Variants in CFAP74 observed in about 807,000 individuals in gnomAD.
CFAP74 encodes cilia- and flagella-associated protein 74.
Under a neutral mutation model 188.9 loss-of-function variants are expected in CFAP74, and 124 were observed. That is an observed-to-expected ratio of 0.66 (90% CI 0.57 to 0.76). The LOEUF is 0.76. CFAP74 is among the 30% of genes least tolerant of loss of function. CFAP74 has a pLI of 0.00. For synonymous variants in CFAP74, 956 were observed against 916.7 expected (o/e 1.04, Z -0.77); for missense variants, 2,198 against 2,165.2 (o/e 1.02, Z -0.30).
rs183678276 is a variant in CFAP74 at position 1,991,810 on chromosome 1, T to C, written c.-19-835A>G. 2.4e-3 allele frequency among the ~76,000 whole-genome samples: 360 copies of C among 151,948 alleles called. 1 individual carries two copies. The highest frequency in any genetic ancestry group is 0.014 in the East Asian group (70 of 5,136). Reference sequence around the variant, plus strand: ...ATCCCAGCACTTTGGGAGGCCAAGGTGGGCGGATCACGAGGTCAGGAGATC... The same window carrying C: ...ATCCCAGCACTTTGGGAGGCCAAGGCGGGCGGATCACGAGGTCAGGAGATC... On this transcript the variant is annotated intron_variant, in intron 1 of 38. Coordinates refer to ENST00000682832, the MANE Select transcript of CFAP74 (RefSeq NM_001304360.2).
At chr1:1,979,729 G>A (rs1656705028) in intron 6 of CFAP74, among the ~76,000 whole-genome samples, 3 of 125,288 alleles carry the variant, frequency 2.4e-5, no homozygotes, top group African/African-American at 8.8e-5. Flanking sequence ...AGCTGGGTGT[G>A]GGAAGGCGTC....
Position 1,925,929 on chromosome 1 carries a change from T to C in CFAP74, c.3958A>G (p.Thr1320Ala). The C allele has an allele frequency of 6.2e-7, 1 of 1,608,282 alleles. No homozygotes were observed. The highest frequency in any genetic ancestry group is 1.1e-5 in the South Asian group (1 of 90,400). Reference protein sequence around the residue: ...SPHESILAQETLDIITKRGTL... With the variant: ...SPHESILAQEALDIITKRGTL... ...CCTCTCTTGGTGATGATGTCCAGTGTTTCTTGAGCCTAAAGAGACCACATC... is the reference window on the plus strand; with the variant it reads ...CCTCTCTTGGTGATGATGTCCAGTGCTTCTTGAGCCTAAAGAGACCACATC... The change falls in exon 33 of 39, where the codon ACA becomes GCA. Residue 1320 changes from threonine to alanine, a missense_variant. Transcript: ENST00000682832.
chr1:1,927,995 G>A (rs778680130), intron 27 of CFAP74: 74 of 521,736 alleles, frequency 1.4e-4, no homozygotes, highest in Middle Eastern at 1.1e-3. Context: ...ACGGAGTGAG[G>A]AGGCGGCCAG....
chr1:1,971,444 C>T (rs965132607), intron 9 of CFAP74, among the ~76,000 whole-genome samples: 2 of 152,282 alleles, frequency 1.3e-5, no homozygotes, highest in African/African-American at 2.4e-5. Context: ...CGTGCACACA[C>T]ACATGCTCAC....
chr1:1,947,000 G>C lies in CFAP74; in HGVS notation c.2231C>G (p.Thr744Arg). The change falls in exon 19 of 39, where the codon ACG (threonine) becomes AGG (arginine). Residue 744 changes from threonine to arginine, a missense_variant. Transcript: ENST00000682832. ...IPPSEEQTEITLGEVTEGEIG... is the reference protein window; with the variant it reads ...IPPSEEQTEIRLGEVTEGEIG... The stretch of plus-strand genomic sequence containing the variant: ...CCTGAGCTGGCTGACCTCCCCCAGC[G>C]TGATCTCCGTCTGCTCTTCGCTGGG... 1 of 1,535,674 alleles carries C rather than the reference G, an allele frequency of 6.5e-7. No individual in the cohort carries two copies. Among genetic ancestry groups the C allele is most frequent in the Non-Finnish European group, 8.7e-7 (1 of 1,146,474 alleles).
At chr1:1,993,019 G>A (rs559780396) in intron 1 of CFAP74, among the ~76,000 whole-genome samples, 1 of 151,144 alleles carries the variant, frequency 6.6e-6, no homozygotes, top group Non-Finnish European at 1.5e-5. Flanking sequence ...TGGCCAGCAT[G>A]GTGAAACCCC....
chr1:2,001,411 A>G (rs1658201318), intron 1 of CFAP74, among the ~76,000 whole-genome samples: 1 of 151,062 alleles, frequency 6.6e-6, no homozygotes, highest in Admixed American at 6.6e-5. Flanking sequence ...CTCACTGCAA[A>G]CTCCGCCTCC....
chr1:1,988,939 G>A lies in CFAP74; in HGVS notation c.102C>T (p.Ile34=). The part of the protein sequence containing the change: ...RDELEDPEFD[I]KCLLQEAEDD... ...CCTCAGCTTCCTGTAGAAGACATTTGATGTCAAACTCCGGATCCTCTAATT... is the reference window on the plus strand; with the variant it reads ...CCTCAGCTTCCTGTAGAAGACATTTAATGTCAAACTCCGGATCCTCTAATT... The change falls in exon 3 of 39, where the codon ATC becomes ATT. Residue 34 remains isoleucine (I), a synonymous_variant. Coordinates refer to ENST00000682832, the MANE Select transcript of CFAP74 (RefSeq NM_001304360.2). 6.3e-7 allele frequency: 1 copy of A among 1,581,888 alleles called. No homozygotes were observed. Among genetic ancestry groups the A allele is most frequent in the Non-Finnish European group, 8.6e-7 (1 of 1,163,100 alleles).
Position 1,965,020 on chromosome 1 carries a change from T to A in CFAP74, c.1443A>T (p.Thr481=). ...GCTCCAGGATGTCCTTGTCCATCTTTGTCCCGCCCACGGGCTTTCGGTCCA... is the reference window on the plus strand; with the variant it reads ...GCTCCAGGATGTCCTTGTCCATCTTAGTCCCGCCCACGGGCTTTCGGTCCA... The part of the protein sequence containing the change: ...EDVDRKPVGG[T]KMDKDILERT... The change falls in exon 13 of 39, where the codon ACA becomes ACT. Residue 481 remains threonine, a synonymous_variant. Coordinates refer to ENST00000682832, the MANE Select transcript of CFAP74 (RefSeq NM_001304360.2). The A allele has an allele frequency of 6.2e-7, 1 of 1,613,848 alleles. No homozygotes were observed. Among genetic ancestry groups the A allele is most frequent in the Non-Finnish European group, 8.5e-7 (1 of 1,179,904 alleles).
intron 18 of CFAP74, among the ~76,000 whole-genome samples, chr1:1,950,603 G>A (rs531167484): frequency 3.3e-5 from 5 of 152,122 alleles, no homozygotes; most frequent in East Asian, 1.9e-4. Context: ...GCCGCCCAAA[G>A]TGCTGGGATT....
chr1:2,003,503 G>GCAC (rs1055619538), intron 1 of CFAP74, among the ~76,000 whole-genome samples, 198 bp downstream of exon 1: 1 of 152,190 alleles, frequency 6.6e-6, no homozygotes, highest in Non-Finnish European at 1.5e-5. Flanking sequence ...AAAGTCAGGG[G>GCAC]CGGGTCCCTC....
At position 1,977,378 on chromosome 1, in the gene CFAP74, G is replaced by A. The variant is rs758439892; in HGVS notation, c.501-3180C>T. ...AACCGCCAAGCCCCTCTGCATATCC[G>A]TCCACAGGGAAGCAGCCTTCCCCTC... On this transcript the variant is annotated intron_variant, in intron 6 of 38. Transcript: ENST00000682832. Among the ~76,000 whole-genome samples, 8 of 152,118 alleles carry A rather than the reference G, an allele frequency of 5.3e-5. No homozygotes were observed. The South Asian group carries it at 6.2e-4, about 12-fold the overall frequency.
chr1:1,951,019 G>A (rs574130592), intron 18 of CFAP74, among the ~76,000 whole-genome samples: 1 of 152,254 alleles, frequency 6.6e-6, no homozygotes, highest in Admixed American at 6.5e-5. Flanking sequence ...TAAACTGGAG[G>A]GGGGTGTATT....
intron 16 of CFAP74, among the ~76,000 whole-genome samples, chr1:1,957,670 G>C (rs935863338): frequency 6.6e-6 from 1 of 152,176 alleles, no homozygotes; most frequent in Non-Finnish European, 1.5e-5. Flanking sequence ...CGCCGGGCAC[G>C]TGCTCCATGA....
intron 14 of CFAP74, among the ~76,000 whole-genome samples, chr1:1,960,481 CCT>C (rs1183901708): frequency 1.3e-5 from 2 of 152,204 alleles, no homozygotes; most frequent in African/African-American, 4.8e-5. Context: ...CCCTCGGGAC[CCT>C]CTCAGCCCCT....
intron 6 of CFAP74, among the ~76,000 whole-genome samples, chr1:1,981,817 C>A (rs1570970901): frequency 3.7e-5 from 5 of 133,958 alleles, no homozygotes; most frequent in Admixed American, 7.5e-5. Flanking sequence ...CGCAGGACAC[C>A]CAACCGCGGA....
At position 1,938,879 on chromosome 1, in the gene CFAP74, A is replaced by T. The variant is rs1653145884; in HGVS notation, c.2987T>A (p.Leu996Gln). The change falls in exon 25 of 39, where the codon CTG becomes CAG. Residue 996 changes from leucine to glutamine, a missense_variant. Physicochemically the swap from Leu to Gln is moderately radical, Grantham distance 113. Transcript: ENST00000682832. The part of the protein sequence containing the change: ...PTKAEEHRFQ[L>Q]TCKSEINRCF... ...CCGGTTGATCTCAGACTTGCAGGTCAGTTGGAATCTGTGTTCCTCGGCCTT... is the reference window on the plus strand; with the variant it reads ...CCGGTTGATCTCAGACTTGCAGGTCTGTTGGAATCTGTGTTCCTCGGCCTT... 1.3e-6 allele frequency: 2 copies of T among 1,536,060 alleles called. No individual in the cohort carries two copies. The highest frequency in any genetic ancestry group is 1.7e-6 in the Non-Finnish European group (2 of 1,146,928).
intron 20 of CFAP74, among the ~76,000 whole-genome samples, chr1:1,945,115 G>A (rs1002758036): frequency 6.6e-5 from 10 of 152,086 alleles, no homozygotes; most frequent in Non-Finnish European, 1.0e-4. Context: ...AGACCAGCCT[G>A]GGCAGTGTGG....
intron 10 of CFAP74, among the ~76,000 whole-genome samples, chr1:1,969,281 C>T (rs1305884621): frequency 7.3e-6 from 1 of 137,424 alleles, no homozygotes; most frequent in East Asian, 2.3e-4. Context: ...CCCTGCCCTG[C>T]CCAGCCCAGG....
Sources: allele counts gnomAD v4.1 joint callset (sites outside exome capture counted in the v4.1 genomes callset), GRCh38; gene constraint gnomAD v4.1.1; transcripts MANE v1.5; gene names NCBI Gene and HGNC (gene_info 2026-07-23, HGNC 2026-07-21).